TMEM132C: variants seen among roughly 807,000 people sequenced by gnomAD.
The protein encoded by TMEM132C is transmembrane protein 132C.
TMEM132C carries 29 observed loss-of-function variants against 61.4 expected under a neutral mutation model. The ratio of observed to expected loss-of-function variants is 0.47; its 90% confidence interval spans 0.35 to 0.64. The LOEUF (loss-of-function observed/expected upper bound fraction) is 0.64, where lower values mean the gene tolerates loss of function less well. TMEM132C is among the 30% of genes least tolerant of loss of function. TMEM132C has a pLI of 0.00. For missense variants in TMEM132C, 1,408 were observed against 1,476.9 expected, an observed-to-expected ratio of 0.95 and a Z score of 0.76; for synonymous variants, 656 against 633.1, an observed-to-expected ratio of 1.04 and a Z score of -0.54.
At chr12:128,386,289 C>G (rs761251290) in intron 1 of TMEM132C, among the ~76,000 whole-genome samples, 1 of 152,224 alleles carries the variant, frequency 6.6e-6, no homozygotes, top group Non-Finnish European at 1.5e-5. Context: ...CACCGTTTCT[C>G]TCTTTCGCCA....
intron 3 of TMEM132C, among the ~76,000 whole-genome samples, chr12:128,591,707 A>G (rs1160036127): frequency 2.0e-5 from 3 of 152,140 alleles, no homozygotes; most frequent in Non-Finnish European, 4.4e-5. Context: ...CATTCCCACC[A>G]GCCTGCCCCA....
chr12:128,662,322 CA>C (rs1486718620), intron 4 of TMEM132C, among the ~76,000 whole-genome samples: 1 of 152,188 alleles, frequency 6.6e-6, no homozygotes, highest in Non-Finnish European at 1.5e-5. Context: ...CCCTTTGAGT[CA>C]ACTTGGACTT....
intron 5 of TMEM132C, among the ~76,000 whole-genome samples, chr12:128,679,040 G>A (rs10773565): frequency 0.61 from 92,273 of 152,078 alleles, 28,572 homozygotes; most frequent in African/African-American, 0.75. Context: ...CCTTATCTCA[G>A]ATATGGAGAT....
At chr12:128,289,193 C>T (rs1329091829) in intron 1 of TMEM132C, 1 of 152,244 alleles carries the variant, frequency 6.6e-6, no homozygotes, top group East Asian at 1.9e-4. Context: ...CACCTGCATA[C>T]TCTCACTTGT....
intron 8 of TMEM132C, 35 bp downstream of exon 8, chr12:128,697,450 A>G: frequency 2.7e-6 from 4 of 1,500,228 alleles, no homozygotes; most frequent in Non-Finnish European, 3.6e-6. Context: ...CAGAGGGAGC[A>G]GGGTCAGCCA....
At chr12:128,294,615 C>T (rs933114697) in intron 1 of TMEM132C, among the ~76,000 whole-genome samples, 4 of 152,246 alleles carry the variant, frequency 2.6e-5, no homozygotes, top group East Asian at 1.9e-4. Context: ...TTCCAGAGCC[C>T]AGAGATCCAA....
intron 3 of TMEM132C, among the ~76,000 whole-genome samples, chr12:128,584,600 G>A (rs1164977509): frequency 1.3e-5 from 2 of 152,158 alleles, no homozygotes; most frequent in Admixed American, 6.5e-5. Flanking sequence ...CATCCCCAAC[G>A]TGCAGTTTTT....
intron 1 of TMEM132C, among the ~76,000 whole-genome samples, chr12:128,401,605 A>G (rs1875160503): frequency 6.6e-6 from 1 of 152,196 alleles, no homozygotes; most frequent in African/African-American, 2.4e-5. Flanking sequence ...GTTTCATCAA[A>G]GTCTGATCTC....
chr12:128,580,953 C>T (rs980254139), intron 3 of TMEM132C, among the ~76,000 whole-genome samples: 1 of 152,124 alleles, frequency 6.6e-6, no homozygotes, highest in African/African-American at 2.4e-5. Context: ...AACTGCACAC[C>T]CTCCTCTATC....
At chr12:128,537,597 G>A (rs1338023711) in intron 2 of TMEM132C, among the ~76,000 whole-genome samples, 3 of 152,214 alleles carry the variant, frequency 2.0e-5, no homozygotes, top group African/African-American at 7.2e-5. Context: ...TTCTCAAAGT[G>A]TGAGAACTGT....
intron 1 of TMEM132C, among the ~76,000 whole-genome samples, chr12:128,369,578 G>T (rs1873968447): frequency 6.6e-6 from 1 of 152,288 alleles, no homozygotes; most frequent in Non-Finnish European, 1.5e-5. Flanking sequence ...ACAGGCATTT[G>T]GCAGAGAGTA....
At chr12:128,352,173 G>A (rs935069036) in intron 1 of TMEM132C, among the ~76,000 whole-genome samples, 2 of 152,168 alleles carry the variant, frequency 1.3e-5, no homozygotes, top group Non-Finnish European at 2.9e-5. Flanking sequence ...ACCTGAGACT[G>A]GGTATTTATA....
intron 4 of TMEM132C, among the ~76,000 whole-genome samples, chr12:128,629,988 C>T (rs1402575183): frequency 7.2e-6 from 1 of 139,624 alleles, no homozygotes; most frequent in Non-Finnish European, 1.6e-5. Flanking sequence ...AAAAAAAAGG[C>T]AAGAGGGTAG....
intron 2 of TMEM132C, among the ~76,000 whole-genome samples, chr12:128,484,179 C>T (rs1339433623): frequency 2.0e-5 from 3 of 152,190 alleles, no homozygotes; most frequent in Non-Finnish European, 2.9e-5. Context: ...TCACTGGTCT[C>T]AAGTAATTCC....
rs573964437 is a variant in TMEM132C, at chr12:128,507,384, C to CT, written c.975-36560dup. Among the ~76,000 whole-genome samples, 298 of 111,506 alleles carry CT rather than the reference C, an allele frequency of 2.7e-3. 1 individual carries two copies. The highest frequency in any genetic ancestry group is 0.014 in the Middle Eastern group (3 of 214). The allele number at this position is 111,506 out of a possible 152,430, so 73.2% of individuals were successfully genotyped here. On this transcript the variant is annotated intron_variant, in intron 2 of 8. Coordinates refer to ENST00000435159, the MANE Select transcript of TMEM132C (RefSeq NM_001136103.3). ...CGAAGGTTTGTCCAGGTGTTTTTTT[C>CT]TTTTTTTTTTTTTCTTTCTTTTTTT...
chr12:128,493,559 C>A lies in TMEM132C; in HGVS notation c.975-50398C>A, dbSNP rs571173260. On this transcript the variant is annotated intron_variant, in intron 2 of 8. Transcript: ENST00000435159. The stretch of plus-strand genomic sequence containing the variant: ...GGTTTGTAGTTCTCCTTGAAGAGGT[C>A]CTTCACATCCCTTATACGTTGGATT... Among the ~76,000 whole-genome samples the A allele has an allele frequency of 3.0e-4, 45 of 152,218 alleles. No individual in the cohort carries two copies. In the East Asian group the frequency reaches 7.7e-3, roughly 26 times the overall value.
intron 1 of TMEM132C, among the ~76,000 whole-genome samples, chr12:128,394,620 G>T (rs1007292246): frequency 1.3e-5 from 2 of 152,198 alleles, no homozygotes; most frequent in African/African-American, 4.8e-5. Flanking sequence ...ACTAAGAGAT[G>T]TTGGATGCTC....
chr12:128,701,246 T>TAAA (rs35380407), intron 8 of TMEM132C, among the ~76,000 whole-genome samples: 1 of 143,198 alleles, frequency 7.0e-6, no homozygotes, highest in African/African-American at 2.6e-5. Context: ...AAAAATAAGT[T>TAAA]AAAAAAAAAA....
intron 4 of TMEM132C, among the ~76,000 whole-genome samples, chr12:128,626,950 T>C (rs1954023030): frequency 6.6e-6 from 1 of 152,018 alleles, no homozygotes. Flanking sequence ...GCCTGCCGAG[T>C]CAAGGGAGGA....
Sources: allele counts gnomAD v4.1 joint callset (sites outside exome capture counted in the v4.1 genomes callset), GRCh38; gene constraint gnomAD v4.1.1; transcripts MANE v1.5; gene names NCBI Gene and HGNC (gene_info 2026-07-23, HGNC 2026-07-21).